The following NUMBL variants were observed in gnomAD, a reference collection of about 807,000 sequenced individuals.
NUMBL encodes the protein numb-like protein.
Under a neutral mutation model 48.9 loss-of-function variants are expected in NUMBL, and 20 were observed. That is an observed-to-expected ratio of 0.41 (90% CI 0.29 to 0.59). The LOEUF (loss-of-function observed/expected upper bound fraction) is 0.59. Among genes scored for constraint, NUMBL ranks in the 20% least tolerant of loss-of-function variants. NUMBL has a pLI of 0.31. For missense variants in NUMBL, 660 were observed against 846.2 expected (o/e 0.78, Z 2.73); for synonymous variants, 340 against 348.7 (o/e 0.98, Z 0.28).
At chr19:40,670,116 C>T in intron 8 of NUMBL, 96 bp from the exon 9 acceptor site, 4 of 1,457,236 alleles carry the variant, frequency 2.7e-6, no homozygotes, top group Non-Finnish European at 3.7e-6. Flanking sequence ...TCTCTTCTGA[C>T]CTGGATCCTT....
Position 40,682,900 on chromosome 19 carries a change from C to T in NUMBL, c.318G>A (p.Leu106=). The part of the protein sequence containing the change: ...MHVCEDAVKK[L]KAMGRKSVKS... ...TGGCAGCCCCCTCACTCACCGCCTT[C>T]AGCTTCTTCACCGCATCTTCACACA... Residue 106 remains leucine, a synonymous_variant, in exon 4 of 10, where the codon CTG becomes CTA. Coordinates refer to ENST00000252891, the MANE Select transcript of NUMBL (RefSeq NM_004756.5). The surrounding 1 kb of genome is among the most constrained non-coding windows in gnomAD (Gnocchi z 4.0). 1 of 1,614,054 alleles carries T rather than the reference C, an allele frequency of 6.2e-7. No homozygotes were observed. Among genetic ancestry groups the T allele is most frequent in the Non-Finnish European group, 8.5e-7 (1 of 1,180,000 alleles).
At chr19:40,678,259 T>A (rs2081888390) in intron 6 of NUMBL, among the ~76,000 whole-genome samples, 1 of 152,168 alleles carries the variant, frequency 6.6e-6, no homozygotes, top group Non-Finnish European at 1.5e-5. Flanking sequence ...ACCTCCCGGC[T>A]TCAAGCGATT....
rs920501986 is a variant in NUMBL, at chr19:40,688,756, C to T, written c.24+1704G>A. Among the ~76,000 whole-genome samples the T allele has an allele frequency of 3.9e-5, 6 of 152,200 alleles. No homozygotes were observed. The highest frequency in any genetic ancestry group is 8.8e-5 in the Non-Finnish European group (6 of 68,040). ...AGACACATCCACAGCTTTAGTCACA[C>T]ACAAATAATCCCTCTAAATAGCCAG... is the stretch of plus-strand genomic sequence containing the variant. On this transcript the variant is annotated intron_variant, in intron 1 of 9. Coordinates refer to ENST00000252891, the MANE Select transcript of NUMBL (RefSeq NM_004756.5). This position sits in a 1 kb window ranked among gnomAD's most constrained non-coding sequence, Gnocchi z 4.6.
chr19:40,681,650 T>C (rs561301431), intron 5 of NUMBL, among the ~76,000 whole-genome samples: 1 of 152,250 alleles, frequency 6.6e-6, no homozygotes, highest in East Asian at 1.9e-4. Flanking sequence ...GCAGTTACGA[T>C]GTACTAGACC....
intron 6 of NUMBL, among the ~76,000 whole-genome samples, 154 bp from the exon 7 acceptor site, chr19:40,677,575 C>T (rs188396739): frequency 6.6e-6 from 1 of 152,306 alleles, no homozygotes; most frequent in East Asian, 1.9e-4. Context: ...CAAGGAAGGG[C>T]TGGAAATGAC....
At chr19:40,677,158 G>A (rs2081880498) in intron 7 of NUMBL, 74 bp downstream of exon 7, 2 of 1,469,044 alleles carry the variant, frequency 1.4e-6, no homozygotes, top group Non-Finnish European at 1.8e-6. Context: ...CTGCACCTCT[G>A]CAGCTCCCTG....
At position 40,682,682 on chromosome 19, in the gene NUMBL, G is replaced by T. The variant is rs375226710; in HGVS notation, c.399+46C>A. 1.4e-5 allele frequency: 23 copies of T among 1,587,072 alleles called. No individual in the cohort carries two copies. The highest frequency in any genetic ancestry group is 2.0e-5 in the Non-Finnish European group (23 of 1,158,740). ...GTGTCCTCCGCCCTGATTCCAGCAGGGTGAGCAGACAGGCCCCCTGGCGTC... is the reference window on the plus strand; with the variant it reads ...GTGTCCTCCGCCCTGATTCCAGCAGTGTGAGCAGACAGGCCCCCTGGCGTC... On this transcript the variant is annotated intron_variant, in intron 5 of 9. Coordinates refer to ENST00000252891, the MANE Select transcript of NUMBL (RefSeq NM_004756.5). The surrounding 1 kb of genome is among the most constrained non-coding windows in gnomAD (Gnocchi z 4.0).
Position 40,666,755 on chromosome 19 carries a change from AT to A in NUMBL, c.*712del, listed in dbSNP as rs1290990678. ...ATCTTCAAGTTTAGATACAAAAAAA[AT>A]CTGGAAATAAAAGATAGAAAAGTAC... On this transcript the variant is annotated 3_prime_UTR_variant, in exon 10 of 10. Transcript: ENST00000252891. The A allele has an allele frequency of 2.6e-5, 4 of 152,786 alleles. No homozygotes were observed. Among genetic ancestry groups the A allele is most frequent in the Non-Finnish European group, 4.4e-5 (3 of 68,154 alleles). 9.5% of individuals were successfully genotyped at this position (152,786 alleles called of 1,614,324 possible).
intron 5 of NUMBL, among the ~76,000 whole-genome samples, chr19:40,681,679 A>T (rs10403730): frequency 3.3e-5 from 5 of 151,212 alleles, no homozygotes; most frequent in African/African-American, 1.2e-4. Flanking sequence ...ATATATATAT[A>T]TATTTTTTTC....
At position 40,667,683 on chromosome 19, in the gene NUMBL, C is replaced by A. The variant is rs2081818860; in HGVS notation, c.1615G>T (p.Ala539Ser). 1 of 1,571,460 alleles carries A rather than the reference C, an allele frequency of 6.4e-7. No homozygotes were observed. The change falls in exon 10 of 10, where the codon GCC (alanine) becomes TCC (serine). Residue 539 changes from alanine (A) to serine (S), a missense_variant. By Grantham distance (99) the Ala-to-Ser change is moderately conservative. Transcript: ENST00000252891. The surrounding 1 kb of genome is among the most constrained non-coding windows in gnomAD (Gnocchi z 6.1). ...CTGGGTATGGCAGGGGGCGGGAAGG[C>A]CCCAGCTTTCCCAAGCAGAGTGGCA... ...QPATLLGKAG[A>S]FPPPAIPSAP...
rs568270043 is a variant in NUMBL at position 40,668,250 on chromosome 19, C to A, written c.1160-112G>T. 1,388 of 1,445,618 alleles carry A rather than the reference C, an allele frequency of 9.6e-4. 5 individuals are homozygous for A. The highest frequency in any genetic ancestry group is 4.9e-3 in the Middle Eastern group (19 of 3,900). The allele number at this position is 1,445,618 out of a possible 1,614,324, so 89.5% of individuals were successfully genotyped here. A position where few individuals can be genotyped will look rare whatever the true frequency, so the allele number is the denominator to read the frequency against. On this transcript the variant is annotated intron_variant, in intron 9 of 9. Transcript: ENST00000252891. ...CAGAGCACGGACTCTGGAGCCAGAC[C>A]GCCTGCCTCTGAATCCCAGCTCTGC... is the stretch of plus-strand genomic sequence containing the variant.
intron 2 of NUMBL, among the ~76,000 whole-genome samples, chr19:40,686,352 C>A (rs2081934191): frequency 6.7e-6 from 1 of 149,660 alleles, no homozygotes; most frequent in Admixed American, 6.7e-5. Context: ...CAGAGTTTCT[C>A]CATGTTGGTC....
In NUMBL at chr19:40,690,554, G is replaced by A; in HGVS notation, c.-71C>T. 1.0e-6 allele frequency: 1 copy of A among 990,770 alleles called. No homozygotes were observed. The highest frequency in any genetic ancestry group is 1.3e-6 in the Non-Finnish European group (1 of 770,256). The allele number at this position is 990,770 out of a possible 1,614,324, so 61.4% of individuals were successfully genotyped here. A position where few individuals can be genotyped will look rare whatever the true frequency, so the allele number is the denominator to read the frequency against. Reference sequence around the variant, plus strand: ...GCTCCCCGACTGCTGCTGCTGCGGTGGTGGCGGCGGCAGCTCGGTCTGACG... The same window carrying A: ...GCTCCCCGACTGCTGCTGCTGCGGTAGTGGCGGCGGCAGCTCGGTCTGACG... On this transcript the variant is annotated 5_prime_UTR_variant, in exon 1 of 10. Transcript: ENST00000252891.
intron 3 of NUMBL, 109 bp from the exon 4 acceptor site, chr19:40,683,077 T>TG: frequency 1.1e-6 from 1 of 949,440 alleles, no homozygotes. Context: ...AAGCACATGA[T>TG]GTGTATGCAA....
In NUMBL at chr19:40,677,315, C is replaced by A. The variant is rs1396424455; in HGVS notation, c.647G>T (p.Arg216Leu). ...GGAGCCCTCGCGGGCGAAGCTGGTG[C>A]GGCTGGCATCGAAGGCGGCCGTGAC... is the stretch of plus-strand genomic sequence containing the variant. ...CGVTAAFDAS[R>L]TSFAREGSFR... The change falls in exon 7 of 10, where the codon CGC becomes CTC. Residue 216 changes from arginine (R) to leucine (L), a missense_variant. Coordinates refer to ENST00000252891, the MANE Select transcript of NUMBL (RefSeq NM_004756.5). 5 of 1,611,446 alleles carry A rather than the reference C, an allele frequency of 3.1e-6. No individual in the cohort carries two copies. The highest frequency in any genetic ancestry group is 1.1e-5 in the South Asian group (1 of 90,938).
chr19:40,683,768 A>G (rs2081918144), intron 3 of NUMBL, among the ~76,000 whole-genome samples: 1 of 151,874 alleles, frequency 6.6e-6, no homozygotes, highest in South Asian at 2.1e-4. Flanking sequence ...GTACAAAAAA[A>G]TGTGTTCTGG....
chr19:40,668,243 G>C, intron 9 of NUMBL, 105 bp from the exon 10 acceptor site: 1 of 1,449,296 alleles, frequency 6.9e-7, no homozygotes, highest in South Asian at 1.5e-5. Flanking sequence ...GGACTCTGGA[G>C]CCAGACCGCC....
chr19:40,681,678 T>TG (rs1555753522), intron 5 of NUMBL, among the ~76,000 whole-genome samples: 6 of 151,848 alleles, frequency 4.0e-5, no homozygotes, highest in African/African-American at 1.2e-4. Flanking sequence ...AATATATATA[T>TG]ATATTTTTTT....
rs1046701235 is a variant in NUMBL at position 40,667,878 on chromosome 19, G to A, written c.1420C>T (p.Pro474Ser). The change falls in exon 10 of 10, where the codon CCT becomes TCT. Residue 474 changes from proline to serine, a missense_variant. Physicochemically the swap from Pro to Ser is moderately conservative, Grantham distance 74. Coordinates refer to ENST00000252891, the MANE Select transcript of NUMBL (RefSeq NM_004756.5). The surrounding 1 kb of genome is among the most constrained non-coding windows in gnomAD (Gnocchi z 6.1). ...PAPVGPFDAAPAQVAVFLPPP... is the reference protein window; with the variant it reads ...PAPVGPFDAASAQVAVFLPPP... The stretch of plus-strand genomic sequence containing the variant: ...GGCAGGAACACGGCCACTTGGGCAG[G>A]TGCAGCGTCAAAGGGCCCCACGGGG... 1.3e-6 allele frequency: 2 copies of A among 1,587,176 alleles called. No individual in the cohort carries two copies. Among genetic ancestry groups the A allele is most frequent in the Non-Finnish European group, 8.6e-7 (1 of 1,166,856 alleles).
Sources: gnomAD v4.1 joint callset for allele counts (sites outside exome capture counted in the v4.1 genomes callset) on GRCh38, gnomAD v4.1.1 for gene constraint, Gnocchi (gnomAD v3.1) non-coding constraint, MANE v1.5 for transcripts, NCBI Gene and HGNC (gene_info 2026-07-23, HGNC 2026-07-21) for gene names.